The following PDE10A variants were observed in gnomAD, a reference collection of about 807,000 sequenced individuals.
The protein encoded by PDE10A is cAMP and cAMP-inhibited cGMP 3',5'-cyclic phosphodiesterase 10A.
In PDE10A, 39 loss-of-function variants were observed where a neutral mutation model predicts 97.7. That is an observed-to-expected ratio of 0.40 (90% CI 0.31 to 0.52). PDE10A has a LOEUF of 0.52. Ranked by LOEUF, PDE10A falls within the 20% of genes least tolerant of loss-of-function variation. The pLI is 0.56. For synonymous variants in PDE10A, 371 were observed against 376.8 expected, an observed-to-expected ratio of 0.98 and a Z score of 0.18; for missense variants, 731 against 1,047.8, an observed-to-expected ratio of 0.70 and a Z score of 4.17.
intron 1 of PDE10A, among the ~76,000 whole-genome samples, chr6:165,753,083 T>C (rs1793044203): frequency 6.6e-6 from 1 of 152,246 alleles, no homozygotes; most frequent in Non-Finnish European, 1.5e-5. Flanking sequence ...ATGAAATTCA[T>C]ACTTTACTGA....
chr6:165,914,531 G>A (rs1041098082), intron 1 of PDE10A, among the ~76,000 whole-genome samples: 1 of 152,184 alleles, frequency 6.6e-6, no homozygotes, highest in Non-Finnish European at 1.5e-5. Context: ...ACCACTTGGG[G>A]GAAACATGCA....
intron 1 of PDE10A, among the ~76,000 whole-genome samples, chr6:165,850,430 G>A (rs1388150953): frequency 6.6e-6 from 1 of 152,148 alleles, no homozygotes; most frequent in East Asian, 1.9e-4. Context: ...TGTTCCCCAG[G>A]AATTCTTTCA....
chr6:165,678,141 G>A (rs1355273355), intron 1 of PDE10A, among the ~76,000 whole-genome samples: 2 of 148,706 alleles, frequency 1.3e-5, no homozygotes, highest in Admixed American at 1.3e-4. Context: ...GTGTACGTGT[G>A]TATGTGTGTG....
intron 5 of PDE10A, among the ~76,000 whole-genome samples, chr6:165,436,152 C>A (rs1245094972): frequency 6.6e-6 from 1 of 152,090 alleles, no homozygotes; most frequent in Non-Finnish European, 1.5e-5. Flanking sequence ...TCATGATTAT[C>A]TACAAAATTT....
intron 1 of PDE10A, among the ~76,000 whole-genome samples, chr6:165,646,352 A>G (rs549469264): frequency 5.2e-4 from 79 of 152,376 alleles, no homozygotes; most frequent in African/African-American, 1.9e-3. Flanking sequence ...GGGCAATTCA[A>G]GAAAATTCCA....
intron 19 of PDE10A, among the ~76,000 whole-genome samples, chr6:165,339,608 G>A (rs192985793): frequency 6.6e-6 from 1 of 152,268 alleles, no homozygotes; most frequent in Admixed American, 6.5e-5. Flanking sequence ...TTTTGCAGAA[G>A]TTAGTAAATA....
chr6:165,543,722 T>C (rs1057075240), intron 1 of PDE10A, 154 bp from the exon 2 acceptor site: 59 of 550,446 alleles, frequency 1.1e-4, no homozygotes, highest in Middle Eastern at 9.7e-4. Context: ...TACTGCTTAG[T>C]GGGTACAGAG....
chr6:165,895,008 C>T (rs1781906677), intron 1 of PDE10A, among the ~76,000 whole-genome samples: 1 of 152,108 alleles, frequency 6.6e-6, no homozygotes, highest in African/African-American at 2.4e-5. Context: ...TGATAAATAG[C>T]CAGGACTGAG....
chr6:165,868,780 A>G (rs1781121969), intron 1 of PDE10A, among the ~76,000 whole-genome samples: 1 of 152,124 alleles, frequency 6.6e-6, no homozygotes, highest in South Asian at 2.1e-4. Context: ...ACGATGTAAT[A>G]GCAAAACAAA....
intron 1 of PDE10A, among the ~76,000 whole-genome samples, chr6:165,795,946 T>C (rs1414274968): frequency 6.6e-6 from 1 of 152,152 alleles, no homozygotes; most frequent in Non-Finnish European, 1.5e-5. Context: ...ACTGCAGTTA[T>C]AATATGCACT....
rs538238699 is a variant in PDE10A at position 165,646,415 on chromosome 6, T to C, written c.865+15532A>G. On this transcript the variant is annotated intron_variant, in intron 1 of 21. Coordinates refer to ENST00000539869, the MANE Select transcript of PDE10A (RefSeq NM_001385079.1). Reference sequence around the variant, plus strand: ...AATTTCTTCTGTGCAGGAAAAAGTATTTAATGAACTATTCAATAAACTGAC... The same window carrying C: ...AATTTCTTCTGTGCAGGAAAAAGTACTTAATGAACTATTCAATAAACTGAC... Among the ~76,000 whole-genome samples, 7 of 152,358 alleles carry C rather than the reference T, an allele frequency of 4.6e-5. No individual in the cohort carries two copies. In the East Asian group the frequency reaches 1.3e-3, roughly 29 times the overall value.
At chr6:165,414,302 G>T (rs1459319672) in intron 12 of PDE10A, among the ~76,000 whole-genome samples, 1 of 152,116 alleles carries the variant, frequency 6.6e-6, no homozygotes, top group South Asian at 2.1e-4. Flanking sequence ...CAAATATACT[G>T]ACCATATGAT....
chr6:165,958,408 T>A (rs1016727435), intron 1 of PDE10A, among the ~76,000 whole-genome samples: 1 of 150,674 alleles, frequency 6.6e-6, no homozygotes, highest in African/African-American at 2.5e-5. Flanking sequence ...GAGGTTGCAG[T>A]GAGCTGAGAT....
In PDE10A at chr6:165,330,842, A is replaced by G. The variant is rs1447850416; in HGVS notation, c.*2183T>C. The G allele has an allele frequency of 6.6e-6, 1 of 152,210 alleles. No homozygotes were observed. Among genetic ancestry groups the G allele is most frequent in the African/African-American group, 2.4e-5 (1 of 41,458 alleles). The allele number at this position is 152,210 out of a possible 1,614,324, so 9.4% of individuals were successfully genotyped here. ...TTCCTGAAATTCCATCTCCAAGCGA[A>G]ATGAGATAACTAAACTAACTTTTGT... On this transcript the variant is annotated 3_prime_UTR_variant, in exon 22 of 22. Coordinates refer to ENST00000539869, the MANE Select transcript of PDE10A (RefSeq NM_001385079.1).
At chr6:165,876,855 T>C (rs1197165122) in intron 1 of PDE10A, among the ~76,000 whole-genome samples, 2 of 152,142 alleles carry the variant, frequency 1.3e-5, no homozygotes, top group Non-Finnish European at 2.9e-5. Flanking sequence ...TGCTCCCAGA[T>C]CCAGCTGAAG....
At chr6:165,745,885 TAA>T (rs1451268957) in intron 1 of PDE10A, among the ~76,000 whole-genome samples, 1 of 152,234 alleles carries the variant, frequency 6.6e-6, no homozygotes, top group Non-Finnish European at 1.5e-5. Flanking sequence ...AGGATAGTGG[TAA>T]GATGAGGCAG....
At chr6:165,560,236 T>G (rs1356817655) in intron 1 of PDE10A, among the ~76,000 whole-genome samples, 1 of 152,242 alleles carries the variant, frequency 6.6e-6, no homozygotes, top group Admixed American at 6.5e-5. Context: ...ATTTGAAGAC[T>G]CATTGCTGGC....
At chr6:165,862,216 A>G (rs1305483518) in intron 1 of PDE10A, among the ~76,000 whole-genome samples, 1 of 152,258 alleles carries the variant, frequency 6.6e-6, no homozygotes, top group Non-Finnish European at 1.5e-5. Context: ...TAAAGCATGT[A>G]AAAATAATTC....
At chr6:165,447,494 CAGA>C (rs1323855965) in intron 5 of PDE10A, among the ~76,000 whole-genome samples, 2 of 152,106 alleles carry the variant, frequency 1.3e-5, no homozygotes, top group African/African-American at 4.8e-5. Flanking sequence ...GGAGGCGGCT[CAGA>C]AGGAGTAATG....
Sources: gnomAD v4.1 joint callset for allele counts (sites outside exome capture counted in the v4.1 genomes callset) on GRCh38, gnomAD v4.1.1 for gene constraint, MANE v1.5 for transcripts, NCBI Gene and HGNC (gene_info 2026-07-23, HGNC 2026-07-21) for gene names.